The following RASGRP4 variants were observed in gnomAD, a reference collection of about 807,000 sequenced individuals.
RASGRP4 encodes the protein RAS guanyl-releasing protein 4.
RASGRP4 carries 52 observed loss-of-function variants against 84.4 expected under a neutral mutation model. The ratio of observed to expected loss-of-function variants is 0.62; its 90% CI spans 0.49 to 0.78. The LOEUF (loss-of-function observed/expected upper bound fraction) is 0.78. RASGRP4 is among the 30% of genes least tolerant of loss of function. The pLI is 0.00. For missense variants in RASGRP4, 760 were observed against 886.9 expected (o/e 0.86, Z 1.82); for synonymous variants, 356 against 359.1 (o/e 0.99, Z 0.10).
Position 38,412,459 on chromosome 19 carries a change from A to G in RASGRP4, c.1680+213T>C, listed in dbSNP as rs4075613. 136,125 of 581,968 alleles carry G rather than the reference A, an allele frequency of 0.23. 24,534 individuals are homozygous for G. Among genetic ancestry groups the G allele is most frequent in the African/African-American group, 0.74 (39,796 of 53,436 alleles). 36.1% of individuals were successfully genotyped at this position (581,968 alleles called of 1,614,324 possible). A position where few individuals can be genotyped will look rare whatever the true frequency, so the allele number is the denominator to read the frequency against. Reference sequence around the variant, plus strand: ...TTTTAGGTATTATCCATGGTTCAGCAATTGTCTGGGGTGGACATTATCTGG... The same window carrying G: ...TTTTAGGTATTATCCATGGTTCAGCGATTGTCTGGGGTGGACATTATCTGG... On this transcript the variant is annotated intron_variant, in intron 13 of 16. Coordinates refer to ENST00000615439, the MANE Select transcript of RASGRP4 (RefSeq NM_170604.3). The surrounding 1 kb of genome is among the most constrained non-coding windows in gnomAD (Gnocchi z 4.6).
chr19:38,409,934 C>T lies in RASGRP4; in HGVS notation c.*106G>A, dbSNP rs1021150258. 1.8e-5 allele frequency: 14 copies of T among 774,538 alleles called. No individual in the cohort carries two copies. Among genetic ancestry groups the T allele is most frequent in the Admixed American group, 8.2e-5 (3 of 36,624 alleles). The allele number at this position is 774,538 out of a possible 1,614,324, so 48.0% of individuals were successfully genotyped here. On this transcript the variant is annotated 3_prime_UTR_variant, in exon 17 of 17. Coordinates refer to ENST00000615439, the MANE Select transcript of RASGRP4 (RefSeq NM_170604.3). ...ACTAAAGGCAGTGTGGATGGGAAGGCGGATGCCTCTGGAGGCCTACCTCTG... is the reference window on the plus strand; with the variant it reads ...ACTAAAGGCAGTGTGGATGGGAAGGTGGATGCCTCTGGAGGCCTACCTCTG...
rs962561135 is a variant in RASGRP4, at chr19:38,418,155, A to T, written c.837+236T>A. On this transcript the variant is annotated intron_variant, in intron 7 of 16. Coordinates refer to ENST00000615439, the MANE Select transcript of RASGRP4 (RefSeq NM_170604.3). The surrounding 1 kb of genome is among the most constrained non-coding windows in gnomAD (Gnocchi z 4.6). ...AGAATATTCGGGCATAGGGCTTGGG[A>T]GCCTGTCACGTCTAGGGCCAAGGGG... Among the ~76,000 whole-genome samples, 7 of 151,504 alleles carry T rather than the reference A, an allele frequency of 4.6e-5. No individual in the cohort carries two copies. The highest frequency in any genetic ancestry group is 7.3e-5 in the African/African-American group (3 of 41,126).
At chr19:38,425,849 G>A (rs907001347) in intron 1 of RASGRP4, among the ~76,000 whole-genome samples, 6 of 152,118 alleles carry the variant, frequency 3.9e-5, no homozygotes, top group East Asian at 1.9e-4. Context: ...AAAGGGGCAC[G>A]GAGCAGCTCA....
Position 38,409,475 on chromosome 19 carries a change from C to T in RASGRP4, c.*565G>A, listed in dbSNP as rs548149299. On this transcript the variant is annotated 3_prime_UTR_variant, in exon 17 of 17. Coordinates refer to ENST00000615439, the MANE Select transcript of RASGRP4 (RefSeq NM_170604.3). ...AAAACAGGAGCTGGGCGTGGTGGCT[C>T]ACGCCTGTATTCCCAGCACTTTGGG... is the stretch of plus-strand genomic sequence containing the variant. The T allele has an allele frequency of 2.0e-5, 3 of 152,576 alleles. No individual in the cohort carries two copies. The highest frequency in any genetic ancestry group is 4.1e-4 in the South Asian group (2 of 4,850). 9.5% of individuals were successfully genotyped at this position (152,576 alleles called of 1,614,324 possible). A position where few individuals can be genotyped will look rare whatever the true frequency, so the allele number is the denominator to read the frequency against.
rs1221621267 is a variant in RASGRP4 at position 38,413,533 on chromosome 19, C to T, written c.1231-59G>A. The T allele has an allele frequency of 1.4e-6, 2 of 1,389,570 alleles. No homozygotes were observed. The highest frequency in any genetic ancestry group is 2.0e-6 in the Non-Finnish European group (2 of 1,000,002). 86.1% of individuals were successfully genotyped at this position (1,389,570 alleles called of 1,614,324 possible). On this transcript the variant is annotated intron_variant, in intron 9 of 16. Transcript: ENST00000615439. The surrounding 1 kb of genome is among the most constrained non-coding windows in gnomAD (Gnocchi z 4.7). ...TCTATAGCCCTGCCCCAGACCCCCA[C>T]ACCCACTCGCAGGCTCTTCCCAAAG...
intron 2 of RASGRP4, among the ~76,000 whole-genome samples, chr19:38,421,599 C>T (rs1971753672): frequency 6.6e-6 from 1 of 152,006 alleles, no homozygotes; most frequent in Non-Finnish European, 1.5e-5. Flanking sequence ...GTAATCCTAG[C>T]TACTCGGGAA....
At position 38,413,710 on chromosome 19, in the gene RASGRP4, C is replaced by T. The variant is rs920918029; in HGVS notation, c.1231-236G>A. Among the ~76,000 whole-genome samples, 1 of 152,168 alleles carries T rather than the reference C, an allele frequency of 6.6e-6. No individual in the cohort carries two copies. Among genetic ancestry groups the T allele is most frequent in the Non-Finnish European group, 1.5e-5 (1 of 68,026 alleles). On this transcript the variant is annotated intron_variant, in intron 9 of 16. Transcript: ENST00000615439. The surrounding 1 kb of genome is among the most constrained non-coding windows in gnomAD (Gnocchi z 4.7). ...AAGGTGGAATGAGGTACCTGGCACA[C>T]AGTCAATGATCAATAACTGTTAGTA...
Position 38,415,091 on chromosome 19 carries a change from G to A in RASGRP4, c.987C>T (p.Ser329=), listed in dbSNP as rs370864142. Residue 329 remains serine (S), a synonymous_variant, in exon 9 of 17, where the codon TCC becomes TCT. Coordinates refer to ENST00000615439, the MANE Select transcript of RASGRP4 (RefSeq NM_170604.3). The stretch of plus-strand genomic sequence containing the variant: ...GGCGGTAGCGGGCGTAGTTGTTGTG[G>A]GAGGCAAGGAGCTCAGTGAGCTCCA... ...ALLELTELLA[S]HNNYARYRRT... 6.3e-7 allele frequency: 1 copy of A among 1,599,640 alleles called. No homozygotes were observed. The highest frequency in any genetic ancestry group is 1.3e-5 in the African/African-American group (1 of 74,796).
At chr19:38,415,183 C>A in intron 8 of RASGRP4, 60 bp from the exon 9 acceptor site, 1 of 1,465,546 alleles carries the variant, frequency 6.8e-7, no homozygotes. Flanking sequence ...CCTGAGCAGC[C>A]TCCTGTGTGG....
Position 38,418,033 on chromosome 19 carries a change from C to G in RASGRP4, c.837+358G>C, listed in dbSNP as rs916892323. On this transcript the variant is annotated intron_variant, in intron 7 of 16. Transcript: ENST00000615439. This position sits in a 1 kb window ranked among gnomAD's most constrained non-coding sequence, Gnocchi z 4.6. Reference sequence around the variant, plus strand: ...TGGGGAGCGATGCACAATCCCGAAGCGACCGCTGGGGCCTGGGGACTGGGG... The same window carrying G: ...TGGGGAGCGATGCACAATCCCGAAGGGACCGCTGGGGCCTGGGGACTGGGG... Among the ~76,000 whole-genome samples, 1 of 151,276 alleles carries G rather than the reference C, an allele frequency of 6.6e-6. No individual in the cohort carries two copies. Among genetic ancestry groups the G allele is most frequent in the Non-Finnish European group, 1.5e-5 (1 of 67,824 alleles).
intron 9 of RASGRP4, 31 bp downstream of exon 9, chr19:38,414,817 G>A (rs1156622397): frequency 1.3e-6 from 2 of 1,551,174 alleles, no homozygotes; most frequent in Non-Finnish European, 8.7e-7. Context: ...ACCCTTGGAA[G>A]CCCAGCCTGG....
intron 1 of RASGRP4, among the ~76,000 whole-genome samples, chr19:38,423,296 G>C (rs1971837491): frequency 6.6e-6 from 1 of 152,166 alleles, no homozygotes; most frequent in South Asian, 2.1e-4. Flanking sequence ...AGGCCAAGGT[G>C]GGTGGATCAC....
intron 13 of RASGRP4, 42 bp from the exon 14 acceptor site, chr19:38,411,423 G>T (rs1971252720): frequency 7.4e-6 from 11 of 1,489,592 alleles, no homozygotes; most frequent in Non-Finnish European, 9.9e-6. Flanking sequence ...CCTAGGAGAG[G>T]GAGGGCTGTG....
chr19:38,424,517 T>G (rs2145249133), intron 1 of RASGRP4, among the ~76,000 whole-genome samples: 1 of 151,324 alleles, frequency 6.6e-6, no homozygotes, highest in Admixed American at 6.6e-5. Flanking sequence ...ACTCCTGGAC[T>G]CGAGTGATCC....
chr19:38,422,493 G>A (rs1272767916), intron 1 of RASGRP4, among the ~76,000 whole-genome samples: 1 of 152,170 alleles, frequency 6.6e-6, no homozygotes, highest in African/African-American at 2.4e-5. Context: ...GGGCAAGCAA[G>A]CACCCCCGCC....
Position 38,412,808 on chromosome 19 carries a change from G to A in RASGRP4, c.1544C>T (p.Ser515Phe). Residue 515 changes from serine to phenylalanine, a missense_variant, in exon 13 of 17, where the codon TCC becomes TTC. Physicochemically the swap from Ser to Phe is radical, Grantham distance 155. Transcript: ENST00000615439. The surrounding 1 kb of genome is among the most constrained non-coding windows in gnomAD (Gnocchi z 4.6). ...LHPPPRQGRGSFSREELTGYL... is the reference protein window; with the variant it reads ...LHPPPRQGRGFFSREELTGYL... ...CCCTGTCAGCTCCTCTCTGCTGAAGGATCCTCTCCTGGGGGCAGAAACTGA... is the reference window on the plus strand; with the variant it reads ...CCCTGTCAGCTCCTCTCTGCTGAAGAATCCTCTCCTGGGGGCAGAAACTGA... 1 of 1,608,178 alleles carries A rather than the reference G, an allele frequency of 6.2e-7. No individual in the cohort carries two copies. The highest frequency in any genetic ancestry group is 2.2e-5 in the East Asian group (1 of 44,676).
At chr19:38,425,178 C>T (rs1209094748) in intron 1 of RASGRP4, among the ~76,000 whole-genome samples, 23 of 143,866 alleles carry the variant, frequency 1.6e-4, no homozygotes, top group South Asian at 4.4e-4. Context: ...AGCGAGACTC[C>T]GTCTCAAAAA....
rs1411451896 is a variant in RASGRP4 at position 38,417,726 on chromosome 19, G to T, written c.838-558C>A. ...ATTTCGGCAGAGGTTGCTGTGGAGA[G>T]AGTGGGGCCAGGGAGGAATGGAAAA... On this transcript the variant is annotated intron_variant, in intron 7 of 16. Coordinates refer to ENST00000615439, the MANE Select transcript of RASGRP4 (RefSeq NM_170604.3). This position sits in a 1 kb window ranked among gnomAD's most constrained non-coding sequence, Gnocchi z 5.1. 2.6e-5 allele frequency among the ~76,000 whole-genome samples: 4 copies of T among 152,288 alleles called. No individual in the cohort carries two copies. The highest frequency in any genetic ancestry group is 9.6e-5 in the African/African-American group (4 of 41,564).
Position 38,421,772 on chromosome 19 carries a change from TTA to T in RASGRP4, c.208+195_208+196del, listed in dbSNP as rs59314692. 1.1e-4 allele frequency among the ~76,000 whole-genome samples: 16 copies of T among 147,558 alleles called. 2 individuals carry two copies. In the South Asian group the frequency reaches 2.3e-3, roughly 22 times the overall value. The stretch of plus-strand genomic sequence containing the variant: ...TAAATATATATAATATACACATATA[TTA>T]TATATATATATAAATGTATATATTT... On this transcript the variant is annotated intron_variant, in intron 2 of 16. Coordinates refer to ENST00000615439, the MANE Select transcript of RASGRP4 (RefSeq NM_170604.3).
Sources: gnomAD v4.1 joint callset for allele counts (sites outside exome capture counted in the v4.1 genomes callset) on GRCh38, gnomAD v4.1.1 for gene constraint, Gnocchi (gnomAD v3.1) non-coding constraint, MANE v1.5 for transcripts, NCBI Gene and HGNC (gene_info 2026-07-23, HGNC 2026-07-21) for gene names.